CPVL: variants seen among roughly 807,000 people sequenced by gnomAD.
CPVL encodes the protein probable serine carboxypeptidase CPVL.
A neutral mutation model predicts 63.7 loss-of-function variants in CPVL; 51 were observed. The observed-to-expected ratio is 0.80, with a 90% CI of 0.64 to 1.01. The LOEUF (loss-of-function observed/expected upper bound fraction) is 1.01, where lower values mean the gene tolerates loss of function less well. CPVL is among the 50% of genes least tolerant of loss of function. The probability of loss-of-function intolerance (pLI) is 0.00; values close to 1 mark genes in which losing one functional copy is unlikely to be tolerated. For missense variants in CPVL, 530 were observed against 573.1 expected (o/e 0.92, Z 0.77); for synonymous variants, 195 against 206.0 (o/e 0.95, Z 0.46).
At position 29,155,056 on chromosome 7, in the gene CPVL, G is replaced by T. The variant is rs370103446; in HGVS notation, c.-11+26234C>A. Among the ~76,000 whole-genome samples, 876 of 152,208 alleles carry T rather than the reference G, an allele frequency of 5.8e-3. 10 individuals are homozygous for T. The highest frequency in any genetic ancestry group is 0.02 in the African/African-American group (842 of 41,536). Reference sequence around the variant, plus strand: ...TCTTTAAAACCATCAGATCTCGTGAGACTTATTCACTGTCAGGAGAACAGC... The same window carrying T: ...TCTTTAAAACCATCAGATCTCGTGATACTTATTCACTGTCAGGAGAACAGC... On this transcript the variant is annotated intron_variant, in intron 5 of 16. Coordinates refer to the CPVL transcript ENST00000409850.
chr7:29,065,049 A>G (rs1034574435), intron 10 of CPVL, among the ~76,000 whole-genome samples: 3 of 55,748 alleles, frequency 5.4e-5, no homozygotes, highest in Admixed American at 4.5e-4. Context: ...TTGTCCATGA[A>G]GCTTATTAAA....
chr7:29,060,591 T>G (rs540965487), intron 11 of CPVL, among the ~76,000 whole-genome samples: 1 of 152,224 alleles, frequency 6.6e-6, no homozygotes, highest in Non-Finnish European at 1.5e-5. Context: ...CTTTTGAGTA[T>G]GCATCTCCTG....
chr7:29,029,490 T>TTTTTC (rs1321843639), intron 12 of CPVL, among the ~76,000 whole-genome samples: 1 of 152,224 alleles, frequency 6.6e-6, no homozygotes, highest in Non-Finnish European at 1.5e-5. Flanking sequence ...AATGAAATCC[T>TTTTTC]ATCACTTGCA....
chr7:29,017,302 T>C (rs1786508910), intron 12 of CPVL, among the ~76,000 whole-genome samples: 5 of 152,240 alleles, frequency 3.3e-5, no homozygotes, highest in Admixed American at 2.6e-4. Context: ...TGACATTATA[T>C]GAACCTGGCC....
At chr7:29,002,251 A>G (rs988362607) in intron 12 of CPVL, among the ~76,000 whole-genome samples, 7 of 152,204 alleles carry the variant, frequency 4.6e-5, no homozygotes, top group Non-Finnish European at 7.3e-5. Flanking sequence ...AAGGAGGGAC[A>G]GCACTGGTAA....
At chr7:29,051,494 A>C (rs1477543691) in intron 11 of CPVL, among the ~76,000 whole-genome samples, 1 of 152,182 alleles carries the variant, frequency 6.6e-6, no homozygotes. Context: ...TATATGAAAA[A>C]ACGCTCAACA....
At chr7:29,099,061 G>A (rs1246088526) in intron 3 of CPVL, among the ~76,000 whole-genome samples, 7 of 151,592 alleles carry the variant, frequency 4.6e-5, no homozygotes, top group East Asian at 3.9e-4. Context: ...GTGAAACTCC[G>A]TCTCAAAAAA....
At chr7:29,097,915 C>CAGACTT (rs1485497570) in intron 3 of CPVL, among the ~76,000 whole-genome samples, 4 of 152,006 alleles carry the variant, frequency 2.6e-5, no homozygotes, top group African/African-American at 9.7e-5. Context: ...ACCCTCTCAC[C>CAGACTT]AGAACAGACT....
intron 1 of CPVL, among the ~76,000 whole-genome samples, chr7:29,141,418 C>CA (rs1283191060): frequency 3.3e-5 from 5 of 151,784 alleles, no homozygotes; most frequent in African/African-American, 4.8e-5. Flanking sequence ...GGCATGGTAG[C>CA]ACATGCCTGT....
intron 7 of CPVL, among the ~76,000 whole-genome samples, chr7:29,074,311 C>T (rs1220881305): frequency 2.0e-5 from 3 of 152,182 alleles, no homozygotes; most frequent in African/African-American, 7.2e-5. Context: ...TACATTTTAG[C>T]TTCCTTGTGT....
chr7:29,073,579 G>T (rs1182461350), intron 7 of CPVL, among the ~76,000 whole-genome samples: 1 of 152,090 alleles, frequency 6.6e-6, no homozygotes, highest in African/African-American at 2.4e-5. Context: ...GCACATGTCT[G>T]CCAGGCCTTT....
intron 7 of CPVL, among the ~76,000 whole-genome samples, chr7:29,077,300 G>GA (rs113964909): frequency 1.3e-3 from 189 of 149,642 alleles, no homozygotes; most frequent in South Asian, 5.9e-3. Context: ...AAGTTTAGTA[G>GA]AAAAAAAAAA....
chr7:29,021,838 A>C (rs947830866), intron 12 of CPVL, among the ~76,000 whole-genome samples: 1 of 151,786 alleles, frequency 6.6e-6, no homozygotes, highest in Non-Finnish European at 1.5e-5. Flanking sequence ...CCCAATACCC[A>C]CTACATATCT....
upstream of CPVL, among the ~76,000 whole-genome samples, chr7:29,150,815 C>T (rs959680749): frequency 1.3e-5 from 2 of 152,194 alleles, no homozygotes; most frequent in Admixed American, 1.3e-4. Context: ...CCTGGAAACA[C>T]AGCTCAGAGG....
chr7:29,093,459 T>TTCC (rs1373650253), intron 5 of CPVL, among the ~76,000 whole-genome samples: 5 of 151,956 alleles, frequency 3.3e-5, no homozygotes, highest in African/African-American at 7.2e-5. Flanking sequence ...CTTCTTCTTC[T>TTCC]TCCTCCTCCT....
At chr7:29,046,508 A>G (rs948017756) in intron 11 of CPVL, among the ~76,000 whole-genome samples, 2 of 152,166 alleles carry the variant, frequency 1.3e-5, no homozygotes, top group African/African-American at 4.8e-5. Flanking sequence ...GTCCTTCCAG[A>G]CCACTTAGAA....
At chr7:29,084,887 G>C (rs1167405857) in intron 7 of CPVL, among the ~76,000 whole-genome samples, 1 of 152,142 alleles carries the variant, frequency 6.6e-6, no homozygotes, top group African/African-American at 2.4e-5. Context: ...TACACATGTA[G>C]TAATTCTGAA....
chr7:29,086,579 AATT>A (rs755329772), intron 6 of CPVL, 29 bp from the exon 7 acceptor site: 8 of 1,477,652 alleles, frequency 5.4e-6, no homozygotes, highest in Admixed American at 1.7e-5. Flanking sequence ...GAACAACACA[AATT>A]AATCAGAAAA....
chr7:29,029,970 C>T (rs1201071216), intron 12 of CPVL, among the ~76,000 whole-genome samples: 1 of 152,188 alleles, frequency 6.6e-6, no homozygotes, highest in South Asian at 2.1e-4. Flanking sequence ...AAACAAATCT[C>T]CAAGCCCAGA....
Sources: allele counts gnomAD v4.1 joint callset (sites outside exome capture counted in the v4.1 genomes callset), GRCh38; gene constraint gnomAD v4.1.1; transcripts MANE v1.5; gene names NCBI Gene and HGNC (gene_info 2026-07-23, HGNC 2026-07-21).